Variants in IQCE observed in about 807,000 individuals in gnomAD.
The protein encoded by IQCE is IQ domain-containing protein E.
A neutral mutation model predicts 96.0 loss-of-function variants in IQCE; 115 were observed. The ratio of observed to expected loss-of-function variants is 1.20; its 90% CI spans 1.03 to 1.40. IQCE has a LOEUF of 1.40. Ranked by LOEUF, IQCE falls within the 40% of genes most tolerant of loss-of-function variation. The pLI, the probability that IQCE is intolerant of heterozygous loss-of-function variation, is 0.00. For synonymous variants in IQCE, 412 were observed against 371.2 expected (o/e 1.11, Z -1.26); for missense variants, 1,041 against 909.1 (o/e 1.15, Z -1.87).
intron 21 of IQCE, among the ~76,000 whole-genome samples, chr7:2,607,762 C>G (rs1784937729): frequency 6.6e-6 from 1 of 152,174 alleles, no homozygotes; most frequent in Non-Finnish European, 1.5e-5. Context: ...CTCTCCACCC[C>G]AAATCTATGC....
intron 1 of IQCE, 132 bp downstream of exon 1, chr7:2,559,349 A>G (rs1250630108): frequency 5.0e-6 from 2 of 403,548 alleles, no homozygotes; most frequent in Non-Finnish European, 8.0e-6. Flanking sequence ...GCCGGGTGAC[A>G]GCTGCCATTA....
rs537404191 is a variant in IQCE at position 2,605,528 on chromosome 7, G to A, written c.1744-348G>A. ...CCAGCTACTCAGGAGGCTGAGGCAG[G>A]AGAATGGGGTGAACCCGGAAGGCGG... On this transcript the variant is annotated intron_variant, in intron 19 of 21. Transcript: ENST00000402050. Among the ~76,000 whole-genome samples the A allele has an allele frequency of 2.0e-5, 3 of 152,266 alleles. No individual in the cohort carries two copies. The South Asian group carries it at 6.2e-4, about 32-fold the overall frequency.
chr7:2,607,617 T>C (rs1490162602), intron 21 of IQCE: 1 of 1,070,958 alleles, frequency 9.3e-7, no homozygotes, highest in Non-Finnish European at 1.2e-6. Context: ...CACTGCAGGA[T>C]GCCACACCCT....
chr7:2,562,285 C>CATATATATATATATAT (rs59044593), intron 1 of IQCE, among the ~76,000 whole-genome samples: 174 of 146,304 alleles, frequency 1.2e-3, no homozygotes, highest in African/African-American at 3.2e-3. Context: ...AATTAGGGTA[C>CATATATATATATATAT]ATATATATAT....
chr7:2,569,232 C>A (rs1196676564), intron 3 of IQCE, among the ~76,000 whole-genome samples: 1 of 152,158 alleles, frequency 6.6e-6, no homozygotes, highest in Non-Finnish European at 1.5e-5. Context: ...GAGTGACGAG[C>A]CCTTTCTCAG....
chr7:2,572,236 G>T lies in IQCE; in HGVS notation c.304G>T (p.Ala102Ser). The T allele has an allele frequency of 6.2e-7, 1 of 1,614,184 alleles. No homozygotes were observed. Among genetic ancestry groups the T allele is most frequent in the Non-Finnish European group, 8.5e-7 (1 of 1,180,022 alleles). The change falls in exon 5 of 22, where the codon GCG becomes TCG. Residue 102 changes from alanine (A) to serine (S), a missense_variant. By Grantham distance (99) the Ala-to-Ser change is moderately conservative. Coordinates refer to ENST00000402050, the MANE Select transcript of IQCE (RefSeq NM_152558.5). Reference protein sequence around the residue: ...ALNSPLTWEHAWTGVPGGTPD... With the variant: ...ALNSPLTWEHSWTGVPGGTPD... ...GAACTCACCCCTCACCTGGGAGCAT[G>T]CGTGGACTGGCGTCCCCGGCGGCAC...
At chr7:2,605,582 T>G (rs1784748965) in intron 19 of IQCE, among the ~76,000 whole-genome samples, 1 of 152,030 alleles carries the variant, frequency 6.6e-6, no homozygotes, top group Non-Finnish European at 1.5e-5. Flanking sequence ...ATCACGCCAC[T>G]GCACTCCAGC....
Position 2,559,232 on chromosome 7 carries a change from G to C in IQCE, c.36+15G>C. The C allele has an allele frequency of 8.3e-7, 1 of 1,211,486 alleles. No homozygotes were observed. Among genetic ancestry groups the C allele is most frequent in the Non-Finnish European group, 1.0e-6 (1 of 973,914 alleles). 75.0% of individuals were successfully genotyped at this position (1,211,486 alleles called of 1,614,324 possible). A position where few individuals can be genotyped will look rare whatever the true frequency, so the allele number is the denominator to read the frequency against. On this transcript the variant is annotated intron_variant, in intron 1 of 21. Coordinates refer to ENST00000402050, the MANE Select transcript of IQCE (RefSeq NM_152558.5). ...CCTTGGACACGGTAAGAACGGGCGA[G>C]GGGGCGACGCCGGGCGGGCGTCCGC...
chr7:2,592,343 G>A (rs1783666085), intron 14 of IQCE, among the ~76,000 whole-genome samples: 1 of 152,228 alleles, frequency 6.6e-6, no homozygotes, highest in South Asian at 2.1e-4. Context: ...CATTAAGGTA[G>A]TCATTATGAA....
At chr7:2,600,082 CTG>C (rs1379884093) in intron 17 of IQCE, among the ~76,000 whole-genome samples, 5 of 152,080 alleles carry the variant, frequency 3.3e-5, no homozygotes, top group Non-Finnish European at 1.5e-5. Context: ...GCGTGAGCCA[CTG>C]TGCCTGGCCT....
At position 2,595,016 on chromosome 7, in the gene IQCE, T is replaced by C. The variant is rs772880285; in HGVS notation, c.1440+40T>C. On this transcript the variant is annotated intron_variant, in intron 16 of 21. Transcript: ENST00000402050. Reference sequence around the variant, plus strand: ...CAGTTGAGTCTCCCGTCAGGTGCGGTGAGACTTTGGTCGTGACGGTTCTGA... The same window carrying C: ...CAGTTGAGTCTCCCGTCAGGTGCGGCGAGACTTTGGTCGTGACGGTTCTGA... 8 of 1,421,908 alleles carry C rather than the reference T, an allele frequency of 5.6e-6. No homozygotes were observed. In the East Asian group the frequency reaches 1.6e-4, roughly 28 times the overall value. 88.1% of individuals were successfully genotyped at this position (1,421,908 alleles called of 1,614,324 possible). A position where few individuals can be genotyped will look rare whatever the true frequency, so the allele number is the denominator to read the frequency against.
chr7:2,597,037 C>T (rs757459068), intron 16 of IQCE: 20 of 471,188 alleles, frequency 4.2e-5, no homozygotes, highest in Middle Eastern at 3.2e-4. Context: ...AGGCAGGGCA[C>T]GCAAGGCCAC....
chr7:2,566,873 T>G (rs1781411242), intron 1 of IQCE, among the ~76,000 whole-genome samples: 2 of 152,266 alleles, frequency 1.3e-5, no homozygotes, highest in South Asian at 2.1e-4. Context: ...TTACTAGATT[T>G]GCAGACATTT....
chr7:2,598,464 G>A lies in IQCE; in HGVS notation c.1441-1G>A, dbSNP rs1776635773. The stretch of plus-strand genomic sequence containing the variant: ...CCTCTTACTCCTTCAATTTCCTGCA[G>A]GCCCAAGAGCTCCCAGCTCCCACTC... On this transcript the variant is annotated splice_acceptor_variant, in intron 16 of 21. Transcript: ENST00000402050. LOFTEE classifies it high-confidence loss of function. The A allele has an allele frequency of 3.2e-6, 5 of 1,568,938 alleles. No individual in the cohort carries two copies. Among genetic ancestry groups the A allele is most frequent in the African/African-American group, 1.4e-5 (1 of 73,172 alleles).
At chr7:2,584,912 C>G (rs1583451552) in intron 11 of IQCE, among the ~76,000 whole-genome samples, 1 of 152,200 alleles carries the variant, frequency 6.6e-6, no homozygotes, top group Non-Finnish European at 1.5e-5. Context: ...TATAAAATGT[C>G]TGCAGGTTTC....
intron 6 of IQCE, among the ~76,000 whole-genome samples, chr7:2,577,828 G>T (rs1358497587): frequency 1.4e-5 from 2 of 143,500 alleles, no homozygotes; most frequent in Non-Finnish European, 3.0e-5. Flanking sequence ...GGGGACGTGT[G>T]TGCGGCGTGC....
chr7:2,606,053 C>T (rs985653270), intron 20 of IQCE, 56 bp downstream of exon 20: 38 of 1,549,550 alleles, frequency 2.5e-5, no homozygotes, highest in African/African-American at 4.1e-5. Flanking sequence ...GGCTGCCCAC[C>T]GCACTGGGCC....
intron 16 of IQCE, 68 bp downstream of exon 16, chr7:2,595,044 G>A (rs998059139): frequency 1.6e-5 from 18 of 1,106,264 alleles, no homozygotes; most frequent in African/African-American, 4.6e-5. Context: ...GGTTCTGACC[G>A]TTTCCCTGTC....
rs909906143 is a variant in IQCE, at chr7:2,589,823, T to G, written c.1045-84T>G. On this transcript the variant is annotated intron_variant, in intron 13 of 21. Transcript: ENST00000402050. Reference sequence around the variant, plus strand: ...GCCCTGCTGGAGACTCAGTTTGCCCTGGTTCAGTGTCTCTTTTCTGGGTTT... The same window carrying G: ...GCCCTGCTGGAGACTCAGTTTGCCCGGGTTCAGTGTCTCTTTTCTGGGTTT... The G allele has an allele frequency of 1.0e-5, 14 of 1,378,430 alleles. No individual in the cohort carries two copies. The African/African-American group carries it at 2.0e-4, about 20-fold the overall frequency. The allele number at this position is 1,378,430 out of a possible 1,614,324, so 85.4% of individuals were successfully genotyped here.
Sources: allele counts gnomAD v4.1 joint callset (sites outside exome capture counted in the v4.1 genomes callset), GRCh38; gene constraint gnomAD v4.1.1; transcripts MANE v1.5; gene names NCBI Gene and HGNC (gene_info 2026-07-23, HGNC 2026-07-21).